EFCAB6: variants seen among roughly 807,000 people sequenced by gnomAD.
EFCAB6 encodes EF-hand calcium-binding domain-containing protein 6.
EFCAB6 carries 156 observed loss-of-function variants against 169.8 expected under a neutral mutation model. The observed-to-expected ratio is 0.92, with a 90% confidence interval of 0.81 to 1.05. EFCAB6 has a LOEUF of 1.05. Ranked by LOEUF, EFCAB6 falls within the 50% of genes least tolerant of loss-of-function variation. The pLI is 0.00. For synonymous variants in EFCAB6, 698 were observed against 676.4 expected, an observed-to-expected ratio of 1.03 and a Z score of -0.50; for missense variants, 1,800 against 1,829.1, an observed-to-expected ratio of 0.98 and a Z score of 0.29.
At chr22:43,558,846 C>A (rs1212025718) in intron 26 of EFCAB6, among the ~76,000 whole-genome samples, 2 of 152,148 alleles carry the variant, frequency 1.3e-5, no homozygotes, top group East Asian at 3.8e-4. Context: ...ATCAGTAAAT[C>A]AAAAAATTCA....
intron 3 of EFCAB6, among the ~76,000 whole-genome samples, chr22:43,777,102 A>C (rs1198698373): frequency 6.6e-6 from 1 of 152,148 alleles, no homozygotes; most frequent in Non-Finnish European, 1.5e-5. Context: ...TTGGCTGAGG[A>C]GGCGTGTGAG....
At chr22:43,536,235 G>A (rs1044385489) in intron 29 of EFCAB6, 3 of 151,738 alleles carry the variant, frequency 2.0e-5, no homozygotes, top group East Asian at 1.9e-4. Flanking sequence ...ACCAACATGC[G>A]TGTTTTGGCT....
At chr22:43,720,315 T>C (rs1321670276) in intron 8 of EFCAB6, among the ~76,000 whole-genome samples, 1 of 149,546 alleles carries the variant, frequency 6.7e-6, no homozygotes, top group African/African-American at 2.5e-5. Context: ...AAGACCAGCA[T>C]GGGCAACAAA....
rs138315173 is a variant in EFCAB6, at chr22:43,649,841, G to A, written c.1984-14625C>T. Among the ~76,000 whole-genome samples, 677 of 152,326 alleles carry A rather than the reference G, an allele frequency of 4.4e-3. 4 individuals carry two copies. Among genetic ancestry groups the A allele is most frequent in the African/African-American group, 0.015 (639 of 41,572 alleles). The stretch of plus-strand genomic sequence containing the variant: ...AGAGAATGAGCCATTTGCTAATCTG[G>A]GAGCAGGGCAAGGGGCTCAGGACTG... On this transcript the variant is annotated intron_variant, in intron 17 of 31. Coordinates refer to ENST00000262726, the MANE Select transcript of EFCAB6 (RefSeq NM_022785.4).
At chr22:43,771,425 A>G (rs565811627) in intron 4 of EFCAB6, among the ~76,000 whole-genome samples, 82 of 152,218 alleles carry the variant, frequency 5.4e-4, no homozygotes, top group Non-Finnish European at 9.0e-4. Flanking sequence ...GTGAGACTCC[A>G]TCAAAAAATA....
intron 8 of EFCAB6, 100 bp downstream of exon 8, chr22:43,731,599 C>G: frequency 1.6e-6 from 1 of 624,074 alleles, no homozygotes; most frequent in Middle Eastern, 4.5e-4. Context: ...TAATGTATTT[C>G]CTATATTTGA....
intron 17 of EFCAB6, among the ~76,000 whole-genome samples, chr22:43,646,028 T>C (rs1344206573): frequency 6.6e-6 from 1 of 152,196 alleles, no homozygotes; most frequent in Non-Finnish European, 1.5e-5. Flanking sequence ...CAGCGTGTTC[T>C]GCGGGCAGTG....
At chr22:43,544,716 A>C (rs1036696192) in intron 27 of EFCAB6, among the ~76,000 whole-genome samples, 1 of 149,020 alleles carries the variant, frequency 6.7e-6, no homozygotes, top group African/African-American at 2.5e-5. Flanking sequence ...AATACCCTTC[A>C]AAAAAAAAAC....
Position 43,773,027 on chromosome 22 carries a change from C to G in EFCAB6, c.216G>C (p.Gly72=), listed in dbSNP as rs1056594426. The change falls in exon 4 of 32, where the codon GGG becomes GGC. Residue 72 remains glycine, a synonymous_variant. Coordinates refer to ENST00000262726, the MANE Select transcript of EFCAB6 (RefSeq NM_022785.4). ...RILFQKITDR[G]DELQKAFQLL... The stretch of plus-strand genomic sequence containing the variant: ...GCTGAAAGGCTTTTTGCAACTCATC[C>G]CCTCTGTCGGTAATTTTTTGAAATA... 1 of 1,614,168 alleles carries G rather than the reference C, an allele frequency of 6.2e-7. No individual in the cohort carries two copies. Among genetic ancestry groups the G allele is most frequent in the Non-Finnish European group, 8.5e-7 (1 of 1,180,034 alleles).
chr22:43,754,422 G>A (rs920521133), intron 6 of EFCAB6, among the ~76,000 whole-genome samples: 1 of 152,166 alleles, frequency 6.6e-6, no homozygotes, highest in South Asian at 2.1e-4. Context: ...TGGGGTCATA[G>A]GTAGAATTTG....
At position 43,608,531 on chromosome 22, in the gene EFCAB6, C is replaced by A; in HGVS notation, c.2632G>T (p.Gly878Cys). ...CTTGGTGTGAGGGGAATATCAAAAC[C>A]GTACAGTGCGTTCTTTATGTCCCGG... ...RRRDIKNALY[G>C]FDIPLTPREF... The change falls in exon 22 of 32, where the codon GGT (glycine) becomes TGT (cysteine). Residue 878 changes from glycine to cysteine, a missense_variant. Gly to Cys is a radical substitution (Grantham distance 159, BLOSUM62 -3). Transcript: ENST00000262726. The A allele has an allele frequency of 1.2e-6, 2 of 1,614,164 alleles. No individual in the cohort carries two copies. Among genetic ancestry groups the A allele is most frequent in the Non-Finnish European group, 1.7e-6 (2 of 1,180,022 alleles).
intron 11 of EFCAB6, among the ~76,000 whole-genome samples, chr22:43,684,382 C>T (rs1603206043): frequency 6.6e-6 from 1 of 152,098 alleles, no homozygotes; most frequent in East Asian, 1.9e-4. Context: ...TCCCTGAGCT[C>T]GGGGCCCGTC....
intron 13 of EFCAB6, among the ~76,000 whole-genome samples, chr22:43,676,418 C>CAAA (rs34550416): frequency 1.7e-5 from 1 of 60,434 alleles, no homozygotes; most frequent in Non-Finnish European, 3.3e-5. Context: ...GACTCCGTCT[C>CAAA]AAAAAAAAAA....
intron 20 of EFCAB6, 75 bp from the exon 21 acceptor site, chr22:43,615,997 TC>T: frequency 7.9e-7 from 1 of 1,262,336 alleles, no homozygotes; most frequent in Non-Finnish European, 1.1e-6. Context: ...GGTTTCCCTA[TC>T]CCCCCTGTTT....
chr22:43,613,169 AATTT>A (rs537266213), intron 21 of EFCAB6, among the ~76,000 whole-genome samples: 55 of 147,894 alleles, frequency 3.7e-4, no homozygotes, highest in Middle Eastern at 3.6e-3. Flanking sequence ...TATTTTATAT[AATTT>A]ATTTATATAA....
chr22:43,677,872 T>C (rs528305900), intron 13 of EFCAB6, 124 bp downstream of exon 13: 106 of 970,030 alleles, frequency 1.1e-4, no homozygotes, highest in Non-Finnish European at 1.4e-4. Context: ...CTTAAAATGA[T>C]TGAGTTGAAA....
At position 43,632,056 on chromosome 22, in the gene EFCAB6, G is replaced by A. The variant is rs372200295; in HGVS notation, c.2232+49C>T. ...CACACCCACTTGGGCTGCGTGGTTG[G>A]GAGCAGGGGAGGCCTAGAGAAGCCC... is the stretch of plus-strand genomic sequence containing the variant. On this transcript the variant is annotated intron_variant, in intron 19 of 31. Transcript: ENST00000262726. 3.2e-5 allele frequency: 51 copies of A among 1,599,354 alleles called. No homozygotes were observed. The African/African-American group carries it at 6.4e-4, about 20-fold the overall frequency.
chr22:43,729,960 G>A (rs2059877479), intron 8 of EFCAB6, among the ~76,000 whole-genome samples: 1 of 151,604 alleles, frequency 6.6e-6, no homozygotes, highest in Admixed American at 6.6e-5. Flanking sequence ...ACAGGAGTTC[G>A]AGATTAGCCT....
intron 2 of EFCAB6, among the ~76,000 whole-genome samples, chr22:43,784,175 GAA>G (rs1267582343): frequency 6.6e-6 from 1 of 152,110 alleles, no homozygotes; most frequent in Non-Finnish European, 1.5e-5. Flanking sequence ...ATGCAAGAAA[GAA>G]AAGAGTAGAG....
Sources: allele counts gnomAD v4.1 joint callset (sites outside exome capture counted in the v4.1 genomes callset), GRCh38; gene constraint gnomAD v4.1.1; transcripts MANE v1.5; gene names NCBI Gene and HGNC (gene_info 2026-07-23, HGNC 2026-07-21).